The following RPS12 variants were observed in gnomAD, a reference collection of about 807,000 sequenced individuals.
RPS12 encodes small ribosomal subunit protein eS12.
RPS12 carries 1 observed loss-of-function variant against 17.2 expected under a neutral mutation model. The ratio of observed to expected loss-of-function variants is 0.06; its 90% CI spans 0.02 to 0.28. RPS12 has a LOEUF of 0.28. RPS12 is among the 10% of genes least tolerant of loss of function. The probability of loss-of-function intolerance (pLI) is 1.00; values close to 1 mark genes in which losing one functional copy is unlikely to be tolerated. For synonymous variants in RPS12, 67 were observed against 54.0 expected, an observed-to-expected ratio of 1.24 and a Z score of -1.06; for missense variants, 146 against 162.1, an observed-to-expected ratio of 0.90 and a Z score of 0.54.
At chr6:132,817,455 GC>G (rs201733952) in intron 5 of RPS12, 24 bp from the exon 6 acceptor site, 18,078 of 1,445,408 alleles carry the variant, frequency 0.013, 152 homozygotes, top group Non-Finnish European at 0.014. Flanking sequence ...ACAAGAAATT[GC>G]ATGCGTGTTT....
At chr6:132,816,680 G>C in intron 4 of RPS12, 117 bp downstream of exon 4, 2 of 799,650 alleles carry the variant, frequency 2.5e-6, no homozygotes, top group Non-Finnish European at 4.4e-6. Flanking sequence ...ACGTGCACCT[G>C]ATACTGTCGG....
chr6:132,816,949 T>A lies in RPS12; in HGVS notation c.235-11T>A. 1 of 1,544,500 alleles carries A rather than the reference T, an allele frequency of 6.5e-7. No homozygotes were observed. Among genetic ancestry groups the A allele is most frequent in the Non-Finnish European group, 9.0e-7 (1 of 1,117,210 alleles). ...TGTGATTTTTTTTTTTTTTAACCTT[T>A]CTCCCAATAGGTTGATGACAACAAG... On this transcript the variant is annotated splice_polypyrimidine_tract_variant and intron_variant, in intron 4 of 5. Coordinates refer to ENST00000230050, the MANE Select transcript of RPS12 (RefSeq NM_001016.4).
chr6:132,816,662 T>A, intron 4 of RPS12, 99 bp downstream of exon 4: 1 of 869,744 alleles, frequency 1.1e-6, no homozygotes, highest in Non-Finnish European at 1.9e-6. Context: ...TGTGCAGGTG[T>A]AAACATTACG....
rs569919528 is a variant in RPS12 at position 132,814,921 on chromosome 6, C to T, written c.15-51C>T. On this transcript the variant is annotated intron_variant, in intron 2 of 5. Coordinates refer to ENST00000230050, the MANE Select transcript of RPS12 (RefSeq NM_001016.4). ...ACTTAGCTTTTGCTGAGTGCAAGGC[C>T]TTATGTGGTGTGAGGATTTTAACTG... is the stretch of plus-strand genomic sequence containing the variant. 7.0e-5 allele frequency: 100 copies of T among 1,430,492 alleles called. 2 individuals are homozygous for T. The highest frequency in any genetic ancestry group is 6.0e-4 in the African/African-American group (43 of 71,084). 88.6% of individuals were successfully genotyped at this position (1,430,492 alleles called of 1,614,324 possible). A position where few individuals can be genotyped will look rare whatever the true frequency, so the allele number is the denominator to read the frequency against.
At chr6:132,816,402 A>G in intron 3 of RPS12, 59 bp from the exon 4 acceptor site, 1 of 1,328,272 alleles carries the variant, frequency 7.5e-7, no homozygotes, top group Non-Finnish European at 1.1e-6. Flanking sequence ...CCTAAAATGC[A>G]AGAATGATGG....
Position 132,817,494 on chromosome 6 carries a change from G to A in RPS12, c.351G>A (p.Glu117=), listed in dbSNP as rs1474587234. 1.2e-6 allele frequency: 2 copies of A among 1,608,702 alleles called. No homozygotes were observed. The highest frequency in any genetic ancestry group is 1.3e-5 in the African/African-American group (1 of 74,914). The part of the protein sequence containing the change: ...SCVVVKDYGK[E]SQAKDVIEEY... ...TTTTTTTTAAGGACTATGGCAAGGA[G>A]TCTCAGGCCAAGGATGTCATTGAAG... The change falls in exon 6 of 6, where the codon GAG becomes GAA. Residue 117 remains glutamate, a synonymous_variant. Transcript: ENST00000230050.
At chr6:132,816,378 G>C (rs1782062623) in intron 3 of RPS12, 83 bp from the exon 4 acceptor site, 2 of 1,013,048 alleles carry the variant, frequency 2.0e-6, no homozygotes, top group African/African-American at 1.6e-5. Context: ...AAGTGTTAGT[G>C]CAAAGATAAC....
At chr6:132,815,445 T>A in intron 3 of RPS12, 1 of 490,882 alleles carries the variant, frequency 2.0e-6, no homozygotes, top group South Asian at 1.5e-5. Context: ...AGAGCCACAT[T>A]ACATCTGGTA....
chr6:132,814,941 T>C (rs1216461362), intron 2 of RPS12, 31 bp from the exon 3 acceptor site: 1 of 1,503,232 alleles, frequency 6.7e-7, no homozygotes, highest in Admixed American at 1.7e-5. Context: ...GTGAGGATTT[T>C]AACTGATGGT....
chr6:132,814,723 GT>G lies in RPS12; in HGVS notation c.-37-3del, dbSNP rs1782002708. ...GGTTCTTTAACAAGTCAATGCTTTTGTTTTTTAGTGCGTTCAAGATTCAACT... is the reference window on the plus strand; with the variant it reads ...GGTTCTTTAACAAGTCAATGCTTTTGTTTTTAGTGCGTTCAAGATTCAACT... On this transcript the variant is annotated splice_polypyrimidine_tract_variant and splice_region_variant and intron_variant, in intron 1 of 5. Transcript: ENST00000230050. 3 of 1,606,808 alleles carry G rather than the reference GT, an allele frequency of 1.9e-6. No individual in the cohort carries two copies. Among genetic ancestry groups the G allele is most frequent in the African/African-American group, 1.3e-5 (1 of 74,668 alleles).
chr6:132,814,639 G>T (rs895893294), intron 1 of RPS12, 26 bp downstream of exon 1: 5 of 1,088,536 alleles, frequency 4.6e-6, no homozygotes, highest in Admixed American at 3.4e-5. Flanking sequence ...CGGCAGGGGG[G>T]TGTATTGGTT....
chr6:132,815,185 G>T, intron 3 of RPS12, 97 bp downstream of exon 3: 1 of 809,362 alleles, frequency 1.2e-6, no homozygotes. Flanking sequence ...TAGCGCAAAA[G>T]TTCTGAATGG....
chr6:132,817,108 T>C, intron 5 of RPS12, 47 bp downstream of exon 5: 1 of 1,163,910 alleles, frequency 8.6e-7, no homozygotes, highest in Non-Finnish European at 1.3e-6. Flanking sequence ...TGGGTAATCA[T>C]ATAAAACCTT....
intron 3 of RPS12, 142 bp downstream of exon 3, chr6:132,815,230 A>C (rs1562280080): frequency 4.0e-6 from 3 of 744,836 alleles, no homozygotes; most frequent in Non-Finnish European, 7.4e-6. Flanking sequence ...AAAAGGTATC[A>C]GAACTCAGAT....
chr6:132,814,849 G>T (rs997999573), intron 2 of RPS12, 67 bp downstream of exon 2: 32 of 1,502,210 alleles, frequency 2.1e-5, no homozygotes, highest in Non-Finnish European at 2.9e-5. Flanking sequence ...TAGAGCTGGC[G>T]GAACAGGACT....
intron 3 of RPS12, chr6:132,815,375 C>T (rs768765474): frequency 5.0e-6 from 3 of 600,752 alleles, no homozygotes; most frequent in African/African-American, 3.6e-5. Flanking sequence ...AAGAGTCTGA[C>T]AAACCTGTAG....
intron 3 of RPS12, chr6:132,815,826 GTCTTTTTTTTTTCTTTTT>G (rs1400970036): frequency 1.9e-5 from 8 of 430,752 alleles, no homozygotes; most frequent in Non-Finnish European, 3.6e-5. Context: ...TAATGCCACA[GTCTTTTTTTTTTCTTTTT>G]TCTTTTTTTT....
chr6:132,815,941 G>C (rs1455612771), intron 3 of RPS12: 1 of 453,038 alleles, frequency 2.2e-6, no homozygotes, highest in Non-Finnish European at 4.4e-6. Context: ...AGGTTCAAGC[G>C]ATTCTTCTGC....
intron 4 of RPS12, 87 bp downstream of exon 4, chr6:132,816,650 T>A (rs544697537): frequency 2.1e-6 from 2 of 930,818 alleles, no homozygotes; most frequent in South Asian, 2.6e-5. Flanking sequence ...AGCTGTTCAT[T>A]TTGTGCAGGT....
Sources: gnomAD v4.1 joint callset for allele counts on GRCh38, gnomAD v4.1.1 for gene constraint, MANE v1.5 for transcripts, NCBI Gene and HGNC (gene_info 2026-07-23, HGNC 2026-07-21) for gene names.